SOX6: variants seen among roughly 807,000 people sequenced by gnomAD.
The protein encoded by SOX6 is transcription factor SOX-6.
A neutral mutation model predicts 97.8 loss-of-function variants in SOX6; 11 were observed. The ratio of observed to expected loss-of-function variants is 0.11; its 90% CI spans 0.07 to 0.19. The LOEUF (loss-of-function observed/expected upper bound fraction) is 0.19. Among genes scored for constraint, SOX6 ranks in the 10% least tolerant of loss-of-function variants. The pLI is 1.00. For synonymous variants in SOX6, 360 were observed against 371.4 expected (o/e 0.97, Z 0.35); for missense variants, 810 against 1,039.5 (o/e 0.78, Z 3.04).
intron 9 of SOX6, among the ~76,000 whole-genome samples, chr11:16,079,273 A>G (rs1446102535): frequency 1.3e-5 from 2 of 152,216 alleles, no homozygotes; most frequent in African/African-American, 4.8e-5. Context: ...GTAACTGTGT[A>G]ATGACAAGAA....
At chr11:16,658,414 A>G (rs1847740063) in intron 3 of SOX6, among the ~76,000 whole-genome samples, 1 of 152,148 alleles carries the variant, frequency 6.6e-6, no homozygotes, top group East Asian at 1.9e-4. Flanking sequence ...TATGTATTAA[A>G]ATATGTTCTC....
intron 1 of SOX6, among the ~76,000 whole-genome samples, chr11:16,451,833 G>C (rs938853228): frequency 2.4e-4 from 37 of 151,714 alleles, no homozygotes; most frequent in Non-Finnish European, 8.8e-5. Flanking sequence ...CAGGAGTTCG[G>C]ACCAGACCTG....
intron 9 of SOX6, among the ~76,000 whole-genome samples, chr11:16,087,787 C>T (rs1185641392): frequency 6.6e-5 from 10 of 152,154 alleles, no homozygotes; most frequent in Admixed American, 6.5e-4. Context: ...TCTTCTCCCA[C>T]TAGAAGGTAA....
chr11:16,593,994 G>C (rs1420173059), intron 4 of SOX6, among the ~76,000 whole-genome samples: 1 of 152,174 alleles, frequency 6.6e-6, no homozygotes, highest in Non-Finnish European at 1.5e-5. Context: ...ACATTGATGA[G>C]CTTTCCATGT....
chr11:16,163,474 C>T (rs762933972), intron 6 of SOX6, among the ~76,000 whole-genome samples: 2 of 152,054 alleles, frequency 1.3e-5, no homozygotes, highest in Non-Finnish European at 2.9e-5. Flanking sequence ...ATGTATAATC[C>T]TAACTTTTTA....
intron 4 of SOX6, among the ~76,000 whole-genome samples, chr11:16,602,903 C>T (rs925973942): frequency 1.3e-5 from 2 of 152,218 alleles, no homozygotes; most frequent in African/African-American, 2.4e-5. Context: ...TGCCTGTAAT[C>T]CCAGTTACTC....
At chr11:16,024,592 A>G (rs1350794131) in intron 12 of SOX6, among the ~76,000 whole-genome samples, 1 of 151,846 alleles carries the variant, frequency 6.6e-6, no homozygotes, top group Non-Finnish European at 1.5e-5. Flanking sequence ...CAAAAACAGG[A>G]AGATTTATAC....
intron 4 of SOX6, among the ~76,000 whole-genome samples, chr11:16,560,846 T>C (rs1847807325): frequency 6.6e-6 from 1 of 152,158 alleles, no homozygotes; most frequent in African/African-American, 2.4e-5. Flanking sequence ...TTCCATTGTA[T>C]TTATAAAAGT....
intron 4 of SOX6, among the ~76,000 whole-genome samples, chr11:16,485,096 T>C (rs1860406430): frequency 6.6e-6 from 1 of 152,170 alleles, no homozygotes; most frequent in South Asian, 2.1e-4. Flanking sequence ...GGAATTATTG[T>C]GGCATTTCCT....
intron 12 of SOX6, among the ~76,000 whole-genome samples, chr11:16,033,898 A>G (rs1347506442): frequency 1.3e-5 from 2 of 152,054 alleles, no homozygotes; most frequent in Non-Finnish European, 2.9e-5. Context: ...AAAAATAAAT[A>G]AATAGAAAGA....
intron 6 of SOX6, among the ~76,000 whole-genome samples, chr11:16,120,581 T>TATAC (rs140473523): frequency 1.5e-4 from 22 of 149,720 alleles, no homozygotes; most frequent in South Asian, 4.2e-4. Flanking sequence ...TATATATATA[T>TATAC]ACACACACTT....
chr11:16,461,419 C>T (rs1859924574), intron 1 of SOX6, among the ~76,000 whole-genome samples: 1 of 152,106 alleles, frequency 6.6e-6, no homozygotes, highest in Admixed American at 6.5e-5. Context: ...TGATGGTCCC[C>T]TATGATCTAC....
At chr11:16,259,825 T>C (rs1057334206) in intron 3 of SOX6, among the ~76,000 whole-genome samples, 10 of 152,022 alleles carry the variant, frequency 6.6e-5, no homozygotes, top group Admixed American at 1.3e-4. Context: ...TATCTTGCTA[T>C]GGATGGTGGT....
chr11:16,364,764 G>A (rs1390653043), intron 1 of SOX6, among the ~76,000 whole-genome samples: 1 of 152,122 alleles, frequency 6.6e-6, no homozygotes, highest in Non-Finnish European at 1.5e-5. Flanking sequence ...AAGCTATCTT[G>A]TAAATCCAGT....
intron 3 of SOX6, among the ~76,000 whole-genome samples, chr11:16,294,700 A>T (rs1356345133): frequency 2.0e-5 from 3 of 151,966 alleles, no homozygotes; most frequent in Non-Finnish European, 2.9e-5. Context: ...GACACTCAAC[A>T]TTTTCTAGAT....
At chr11:16,534,874 T>C (rs1042066387) in intron 4 of SOX6, among the ~76,000 whole-genome samples, 1 of 152,190 alleles carries the variant, frequency 6.6e-6, no homozygotes, top group Non-Finnish European at 1.5e-5. Context: ...TCTACAAAGT[T>C]CCTATCATTG....
intron 3 of SOX6, among the ~76,000 whole-genome samples, chr11:16,249,959 C>T (rs988038260): frequency 6.6e-5 from 10 of 152,112 alleles, no homozygotes; most frequent in African/African-American, 4.8e-5. Context: ...TGATTCTCTA[C>T]GATTTACTTT....
chr11:16,402,844 C>T lies in SOX6; in HGVS notation c.-4-61592G>A, dbSNP rs1858598240. 3.2e-6 allele frequency: 5 copies of T among 1,544,760 alleles called. No individual in the cohort carries two copies. The South Asian group carries it at 3.6e-5, about 11-fold the overall frequency. ...CACCATGACCTTTCATCTTTCCTAT[C>T]CCCAATGGTCTCTCCTAACAACTAA... On this transcript the variant is annotated intron_variant, in intron 1 of 15. Coordinates refer to the SOX6 transcript ENST00000396356.
intron 9 of SOX6, among the ~76,000 whole-genome samples, chr11:16,062,832 A>C (rs747767040): frequency 2.6e-5 from 4 of 151,756 alleles, no homozygotes; most frequent in Non-Finnish European, 5.9e-5. Flanking sequence ...TGGTAAGCTC[A>C]ACAATGAGAT....
Sources: gnomAD v4.1 joint callset for allele counts (sites outside exome capture counted in the v4.1 genomes callset) on GRCh38, gnomAD v4.1.1 for gene constraint, MANE v1.5 for transcripts, NCBI Gene and HGNC (gene_info 2026-07-23, HGNC 2026-07-21) for gene names.